NARS2: variants seen among roughly 807,000 people sequenced by gnomAD.
NARS2 encodes asparaginyl-tRNA synthetase.
NARS2 carries 60 observed loss-of-function variants against 62.9 expected under a neutral mutation model. That is an observed-to-expected ratio of 0.95 (90% CI 0.77 to 1.18). The LOEUF (loss-of-function observed/expected upper bound fraction) is 1.18, where lower values mean the gene tolerates loss of function less well. NARS2 is among the 50% of genes most tolerant of loss of function. The pLI is 0.00. For synonymous variants in NARS2, 196 were observed against 200.0 expected (o/e 0.98, Z 0.17); for missense variants, 619 against 576.4 (o/e 1.07, Z -0.76).
chr11:78,540,305 C>A (rs1488052713), intron 5 of NARS2, among the ~76,000 whole-genome samples: 1 of 152,046 alleles, frequency 6.6e-6, no homozygotes. Flanking sequence ...TTTGAATTGC[C>A]CTCCAGTTAT....
chr11:78,442,245 T>A (rs965636691), intron 12 of NARS2, among the ~76,000 whole-genome samples: 14 of 152,212 alleles, frequency 9.2e-5, no homozygotes, highest in African/African-American at 3.4e-4. Flanking sequence ...TAGAGAATAC[T>A]CAGATTTTTT....
intron 6 of NARS2, among the ~76,000 whole-genome samples, chr11:78,504,074 A>G (rs139772536): frequency 2.4e-4 from 36 of 152,324 alleles, no homozygotes; most frequent in African/African-American, 8.4e-4. Context: ...AATCATACAT[A>G]TATTTTGGCT....
intron 11 of NARS2, among the ~76,000 whole-genome samples, chr11:78,461,617 A>T (rs970651290): frequency 6.7e-6 from 1 of 150,336 alleles, no homozygotes; most frequent in African/African-American, 2.4e-5. Flanking sequence ...AAAAAAAAAA[A>T]AAAAAAAAAA....
chr11:78,504,438 T>G (rs12277887), intron 6 of NARS2, among the ~76,000 whole-genome samples: 4,322 of 25,888 alleles, frequency 0.17, 234 homozygotes, highest in African/African-American at 0.36. Context: ...ACACCAGTTT[T>G]TTTTTTTTTT....
intron 5 of NARS2, among the ~76,000 whole-genome samples, chr11:78,554,878 T>G (rs974161828): frequency 6.6e-6 from 1 of 152,244 alleles, no homozygotes; most frequent in Admixed American, 6.5e-5. Flanking sequence ...CTTTTGCCCA[T>G]TTGGTATAAT....
intron 11 of NARS2, among the ~76,000 whole-genome samples, chr11:78,465,415 G>A (rs1221206627): frequency 6.6e-6 from 1 of 152,264 alleles, no homozygotes; most frequent in African/African-American, 2.4e-5. Flanking sequence ...GGCCGAGGAG[G>A]CGCCGAGAGC....
At chr11:78,513,263 T>C (rs1185530257) in intron 6 of NARS2, among the ~76,000 whole-genome samples, 1 of 151,942 alleles carries the variant, frequency 6.6e-6, no homozygotes, top group Non-Finnish European at 1.5e-5. Context: ...TAAAATAAAA[T>C]GTACAATTAA....
At chr11:78,500,665 G>A (rs1860247598) in intron 6 of NARS2, among the ~76,000 whole-genome samples, 1 of 152,086 alleles carries the variant, frequency 6.6e-6, no homozygotes, top group Admixed American at 6.6e-5. Context: ...ATAGATGGGG[G>A]TTTCACCATG....
At position 78,566,257 on chromosome 11, in the gene NARS2, A is replaced by C. The variant is rs1254633537; in HGVS notation, c.388T>G (p.Tyr130Asp). The change falls in exon 4 of 14, where the codon TAT becomes GAT. Residue 130 changes from tyrosine (Y) to aspartate (D), a missense_variant. Tyr to Asp is a radical substitution (Grantham distance 160). Transcript: ENST00000281038. ...NCDAKDFPIK[Y>D]KERHPLEYLR... ...TACTCCAGAGGATGCCTCTCTTTAT[A>C]TTTGATGGGGAAATCCTGCCAATAA... 2 of 1,591,304 alleles carry C rather than the reference A, an allele frequency of 1.3e-6. No homozygotes were observed. Among genetic ancestry groups the C allele is most frequent in the Non-Finnish European group, 1.7e-6 (2 of 1,168,794 alleles).
chr11:78,514,741 T>C (rs1251135467), intron 6 of NARS2, among the ~76,000 whole-genome samples: 2 of 152,136 alleles, frequency 1.3e-5, no homozygotes, highest in African/African-American at 2.4e-5. Flanking sequence ...AATTCAATAC[T>C]AGAAACGGGT....
At chr11:78,488,970 C>G (rs767261449) in intron 7 of NARS2, among the ~76,000 whole-genome samples, 10 of 152,044 alleles carry the variant, frequency 6.6e-5, no homozygotes, top group Non-Finnish European at 1.5e-4. Context: ...TCTAACGTTA[C>G]ACAAAAATTA....
In NARS2 at chr11:78,469,244, T is replaced by G; in HGVS notation, c.1026+3A>C. The G allele has an allele frequency of 6.3e-7, 1 of 1,598,336 alleles. No individual in the cohort carries two copies. Among genetic ancestry groups the G allele is most frequent in the Non-Finnish European group, 8.6e-7 (1 of 1,165,698 alleles). On this transcript the variant is annotated splice_donor_region_variant and intron_variant, in intron 10 of 13. Coordinates refer to ENST00000281038, the MANE Select transcript of NARS2 (RefSeq NM_024678.6). ...ACATATATACATACACACAAAATAC[T>G]ACCTCTGGGGTAAAGGTGAAGTTCT... is the stretch of plus-strand genomic sequence containing the variant.
intron 6 of NARS2, among the ~76,000 whole-genome samples, chr11:78,493,477 T>C (rs1485927099): frequency 6.6e-6 from 1 of 152,004 alleles, no homozygotes; most frequent in Non-Finnish European, 1.5e-5. Context: ...GGAAACATGG[T>C]GAAAATTTAT....
At chr11:78,440,964 C>G in intron 13 of NARS2, 127 bp downstream of exon 13, 3 of 805,658 alleles carry the variant, frequency 3.7e-6, no homozygotes, top group Non-Finnish European at 6.0e-6. Flanking sequence ...CTTCCCTGAC[C>G]TAAGAACAGT....
intron 11 of NARS2, among the ~76,000 whole-genome samples, chr11:78,446,551 A>C (rs1233363590): frequency 1.3e-5 from 2 of 152,208 alleles, no homozygotes; most frequent in Non-Finnish European, 2.9e-5. Flanking sequence ...CAGAGTGTTA[A>C]ATTTAGAATT....
chr11:78,546,135 G>C (rs1855866114), intron 5 of NARS2, among the ~76,000 whole-genome samples: 1 of 152,196 alleles, frequency 6.6e-6, no homozygotes, highest in African/African-American at 2.4e-5. Flanking sequence ...GTCATGTGAA[G>C]GCTAGATTCA....
At chr11:78,521,447 G>A (rs867135083) in intron 6 of NARS2, among the ~76,000 whole-genome samples, 3 of 152,092 alleles carry the variant, frequency 2.0e-5, no homozygotes, top group African/African-American at 4.8e-5. Flanking sequence ...TGTTGAGATT[G>A]CAGGCTTAAG....
At chr11:78,454,239 A>G (rs1367267680) in intron 11 of NARS2, among the ~76,000 whole-genome samples, 2 of 152,154 alleles carry the variant, frequency 1.3e-5, no homozygotes, top group African/African-American at 4.8e-5. Flanking sequence ...TTTATTTCAT[A>G]GACTGATATG....
intron 11 of NARS2, among the ~76,000 whole-genome samples, chr11:78,454,726 C>T (rs1359089952): frequency 6.6e-6 from 1 of 151,706 alleles, no homozygotes; most frequent in African/African-American, 2.4e-5. Flanking sequence ...TCAAGCGATT[C>T]TCTTGCCTCA....
Sources: allele counts gnomAD v4.1 joint callset (sites outside exome capture counted in the v4.1 genomes callset), GRCh38; gene constraint gnomAD v4.1.1; transcripts MANE v1.5; gene names NCBI Gene and HGNC (gene_info 2026-07-23, HGNC 2026-07-21).